Variants in NFAM1 observed in about 807,000 individuals in gnomAD.
NFAM1 encodes the protein NFAT activating protein with ITAM motif 1.
In NFAM1, 17 loss-of-function variants were observed where a neutral mutation model predicts 29.0. The ratio of observed to expected loss-of-function variants is 0.59; its 90% CI spans 0.40 to 0.88. NFAM1 has a LOEUF of 0.88. Among genes scored for constraint, NFAM1 ranks in the 40% least tolerant of loss-of-function variants. The probability of loss-of-function intolerance (pLI) is 0.00; values close to 1 mark genes in which losing one functional copy is unlikely to be tolerated. For synonymous variants in NFAM1, 175 were observed against 147.2 expected (o/e 1.19, Z -1.36); for missense variants, 324 against 344.6 (o/e 0.94, Z 0.47).
chr22:42,417,498 G>A (rs938871065), intron 1 of NFAM1, among the ~76,000 whole-genome samples: 11 of 126,622 alleles, frequency 8.7e-5, no homozygotes, highest in African/African-American at 3.2e-4. Flanking sequence ...TGCAGGGAAC[G>A]GATTTGAGAA....
chr22:42,390,249 G>A (rs906726958), intron 4 of NFAM1, among the ~76,000 whole-genome samples: 4 of 152,040 alleles, frequency 2.6e-5, no homozygotes, highest in African/African-American at 7.2e-5. Context: ...CCCTGTGCTG[G>A]GCCCCGTGGA....
At chr22:42,430,690 C>T (rs1930768983) in intron 1 of NFAM1, among the ~76,000 whole-genome samples, 4 of 151,630 alleles carry the variant, frequency 2.6e-5, no homozygotes, top group South Asian at 2.1e-4. Flanking sequence ...GTTGCAATAC[C>T]GGGTGGGAGG....
rs1928976842 is a variant in NFAM1 at position 42,382,154 on chromosome 22, C to T, written c.*3007G>A. 6.6e-6 allele frequency: 1 copy of T among 152,394 alleles called. No individual in the cohort carries two copies. Among genetic ancestry groups the T allele is most frequent in the African/African-American group, 2.4e-5 (1 of 41,430 alleles). 9.4% of individuals were successfully genotyped at this position (152,394 alleles called of 1,614,324 possible). A position where few individuals can be genotyped will look rare whatever the true frequency, so the allele number is the denominator to read the frequency against. ...CACTGCAACCTCTGTCTCCCAGGTT[C>T]AAGAGATTCTCCTGCCTTAGCCTCT... On this transcript the variant is annotated 3_prime_UTR_variant, in exon 6 of 6. Coordinates refer to ENST00000329021, the MANE Select transcript of NFAM1 (RefSeq NM_145912.8).
In NFAM1 at chr22:42,411,555, A is replaced by G; in HGVS notation, c.303T>C (p.Pro101=). 1.2e-6 allele frequency: 2 copies of G among 1,614,242 alleles called. No homozygotes were observed. The highest frequency in any genetic ancestry group is 1.7e-6 in the Non-Finnish European group (2 of 1,180,036). ...RSPKKPTNCH[P]GLGTENQSHT... is the part of the protein sequence containing the mutation. Reference sequence around the variant, plus strand: ...GGCTCTGGTTCTCTGTGCCCAGTCCAGGGTGGCAGTTTGTTGGCTTCTTAG... The same window carrying G: ...GGCTCTGGTTCTCTGTGCCCAGTCCGGGGTGGCAGTTTGTTGGCTTCTTAG... The change falls in exon 2 of 6, where the codon CCT becomes CCC. Residue 101 remains proline, a synonymous_variant. Coordinates refer to ENST00000329021, the MANE Select transcript of NFAM1 (RefSeq NM_145912.8).
intron 3 of NFAM1, among the ~76,000 whole-genome samples, chr22:42,400,373 T>C (rs956383036): frequency 1.3e-5 from 2 of 152,162 alleles, no homozygotes; most frequent in African/African-American, 2.4e-5. Flanking sequence ...ATACTAGCAC[T>C]TTGGGAAGCC....
intron 4 of NFAM1, among the ~76,000 whole-genome samples, chr22:42,389,967 A>G (rs1235268703): frequency 1.3e-5 from 2 of 152,116 alleles, no homozygotes; most frequent in African/African-American, 4.8e-5. Context: ...TGGAGAAGCA[A>G]TTCAGCTCTA....
intron 1 of NFAM1, among the ~76,000 whole-genome samples, chr22:42,420,529 G>A (rs1045932759): frequency 6.6e-6 from 1 of 151,814 alleles, no homozygotes; most frequent in African/African-American, 2.4e-5. Flanking sequence ...ACTTTGGGAG[G>A]CCAAGGCAGG....
At chr22:42,416,766 G>A (rs1252231037) in intron 1 of NFAM1, among the ~76,000 whole-genome samples, 1 of 152,234 alleles carries the variant, frequency 6.6e-6, no homozygotes, top group African/African-American at 2.4e-5. Flanking sequence ...TCTCATGCCA[G>A]GGCGTGGTGT....
At chr22:42,412,465 A>G (rs1010891975) in intron 1 of NFAM1, among the ~76,000 whole-genome samples, 3 of 152,206 alleles carry the variant, frequency 2.0e-5, no homozygotes, top group Admixed American at 2.0e-4. Flanking sequence ...CTCAGCAGGT[A>G]GAGAGTGGAG....
At chr22:42,390,952 C>T (rs899879660) in intron 4 of NFAM1, among the ~76,000 whole-genome samples, 5 of 152,124 alleles carry the variant, frequency 3.3e-5, no homozygotes, top group Non-Finnish European at 7.4e-5. Context: ...TCTGCAGGAC[C>T]GTGGCGGTCG....
rs1929082532 is a variant in NFAM1, at chr22:42,384,950, G to C, written c.*211C>G. The stretch of plus-strand genomic sequence containing the variant: ...CTGCCTGGCAGAAGGAACAGCCTGG[G>C]CAAAGGCCCCAAGATGGGAAAGCCT... On this transcript the variant is annotated 3_prime_UTR_variant, in exon 6 of 6. Coordinates refer to ENST00000329021, the MANE Select transcript of NFAM1 (RefSeq NM_145912.8). The C allele has an allele frequency of 4.6e-6, 3 of 652,450 alleles. No homozygotes were observed. The highest frequency in any genetic ancestry group is 2.5e-5 in the East Asian group (1 of 39,438). The allele number at this position is 652,450 out of a possible 1,614,324, so 40.4% of individuals were successfully genotyped here. A position where few individuals can be genotyped will look rare whatever the true frequency, so the allele number is the denominator to read the frequency against.
chr22:42,420,018 T>TTTTTTTTTG (rs1930391444), intron 1 of NFAM1, among the ~76,000 whole-genome samples: 1 of 130,360 alleles, frequency 7.7e-6, no homozygotes, highest in Non-Finnish European at 1.6e-5. Flanking sequence ...TTTTTTTTTT[T>TTTTTTTTTG]TTTTTTTTCT....
rs75080077 is a variant in NFAM1, at chr22:42,409,919, G to A, written c.452-372C>T. 0.053 allele frequency among the ~76,000 whole-genome samples: 8,120 copies of A among 152,176 alleles called. 381 individuals carry two copies. Among genetic ancestry groups the A allele is most frequent in the African/African-American group, 0.11 (4,665 of 41,512 alleles). On this transcript the variant is annotated intron_variant, in intron 2 of 5. Transcript: ENST00000329021. This position sits in a 1 kb window ranked among gnomAD's most constrained non-coding sequence, Gnocchi z 4.9. The stretch of plus-strand genomic sequence containing the variant: ...GGATGTGGCTAGGGCTGAAGGAGGC[G>A]GATTTATCCTGGGACTGACAGGGGG...
At chr22:42,415,294 CTTTTTTTTTTT>C (rs398037250) in intron 1 of NFAM1, among the ~76,000 whole-genome samples, 4 of 94,832 alleles carry the variant, frequency 4.2e-5, no homozygotes, top group African/African-American at 1.4e-4. Context: ...TTCTTTCTTT[CTTTTTTTTTTT>C]TTTTTTTTTT....
intron 4 of NFAM1, among the ~76,000 whole-genome samples, chr22:42,396,495 A>G (rs948206099): frequency 6.6e-6 from 1 of 151,966 alleles, no homozygotes; most frequent in Non-Finnish European, 1.5e-5. Context: ...ATATATATAT[A>G]TATATATCTC....
rs1203241023 is a variant in NFAM1 at position 42,380,414 on chromosome 22, TTGC to T, written c.*4744_*4746del. 1 of 152,170 alleles carries T rather than the reference TTGC, an allele frequency of 6.6e-6. No homozygotes were observed. Among genetic ancestry groups the T allele is most frequent in the Admixed American group, 6.5e-5 (1 of 15,276 alleles). The allele number at this position is 152,170 out of a possible 1,614,324, so 9.4% of individuals were successfully genotyped here. ...GCAGGTGCATCAGAGGAGTTTCACT[TTGC>T]TGTAGTTTTAATGTTTCACTGTAAC... On this transcript the variant is annotated 3_prime_UTR_variant, in exon 6 of 6. Coordinates refer to ENST00000329021, the MANE Select transcript of NFAM1 (RefSeq NM_145912.8).
At chr22:42,427,729 G>T (rs190636672) in intron 1 of NFAM1, among the ~76,000 whole-genome samples, 1 of 151,988 alleles carries the variant, frequency 6.6e-6, no homozygotes, top group Non-Finnish European at 1.5e-5. Flanking sequence ...TGAAAGAAGC[G>T]GGTCACCGGA....
In NFAM1 at chr22:42,401,594, T is replaced by G. The variant is rs1929728469; in HGVS notation, c.565-3638A>C. ...CTTCTTGAAAACTCACATTACATTATGGGGGTGGGGCTGCTTTGCTCCCTG... is the reference window on the plus strand; with the variant it reads ...CTTCTTGAAAACTCACATTACATTAGGGGGGTGGGGCTGCTTTGCTCCCTG... On this transcript the variant is annotated intron_variant, in intron 3 of 5. Coordinates refer to ENST00000329021, the MANE Select transcript of NFAM1 (RefSeq NM_145912.8). Among the ~76,000 whole-genome samples the G allele has an allele frequency of 2.0e-5, 3 of 152,060 alleles. No individual in the cohort carries two copies. The South Asian group carries it at 6.2e-4, about 32-fold the overall frequency.
Position 42,386,997 on chromosome 22 carries a change from G to C in NFAM1, c.745C>G (p.Leu249Val). 6.4e-7 allele frequency: 1 copy of C among 1,557,632 alleles called. No individual in the cohort carries two copies. The highest frequency in any genetic ancestry group is 8.7e-7 in the Non-Finnish European group (1 of 1,148,272). ...CCCCAGCGCCTGTGTACCTGGGAGA[G>C]GGGGCTCTGCTTGGCGGTGGGTGAG... ...GSSPTAKQSP[L>V]SQERPHRFED... is the part of the protein sequence containing the mutation. Residue 249 changes from leucine to valine, a missense_variant, in exon 5 of 6, where the codon CTC becomes GTC. Physicochemically the swap from Leu to Val is conservative, Grantham distance 32. Transcript: ENST00000329021.
Sources: gnomAD v4.1 joint callset for allele counts (sites outside exome capture counted in the v4.1 genomes callset) on GRCh38, gnomAD v4.1.1 for gene constraint, Gnocchi (gnomAD v3.1) non-coding constraint, MANE v1.5 for transcripts, NCBI Gene and HGNC (gene_info 2026-07-23, HGNC 2026-07-21) for gene names.